Variants in ENOX2 observed in about 807,000 individuals in gnomAD.
The protein encoded by ENOX2 is APK1 antigen.
ENOX2 carries 36 observed loss-of-function variants against 45.0 expected under a neutral mutation model. The ratio of observed to expected loss-of-function variants is 0.80; its 90% CI spans 0.61 to 1.06. ENOX2 has a LOEUF of 1.06. Among genes scored for constraint, ENOX2 ranks in the 50% least tolerant of loss-of-function variants. The pLI, the probability that ENOX2 is intolerant of heterozygous loss-of-function variation, is 0.00. For missense variants in ENOX2, 423 were observed against 462.5 expected (o/e 0.91, Z 0.78); for synonymous variants, 174 against 152.3 (o/e 1.14, Z -1.05).
intron 3 of ENOX2, among the ~76,000 whole-genome samples, chrX:130,705,491 T>A (rs773907991): frequency 8.0e-5 from 9 of 112,017 alleles, no homozygotes; most frequent in Non-Finnish European, 1.5e-4. Context: ...GTAAGTAGAG[T>A]TCCTGGTATG....
At chrX:130,694,600 C>CTTTTTT (rs1176052103) in intron 4 of ENOX2, among the ~76,000 whole-genome samples, 67 of 86,131 alleles carry the variant, frequency 7.8e-4, no homozygotes, top group Non-Finnish European at 1.0e-3. Context: ...CTTTTCTTTT[C>CTTTTTT]TTTTTTTTTT....
intron 2 of ENOX2, among the ~76,000 whole-genome samples, chrX:130,833,605 A>T (rs1270335941): frequency 9.0e-6 from 1 of 111,324 alleles, no homozygotes; most frequent in Non-Finnish European, 1.9e-5. Flanking sequence ...GGGATGCCTG[A>T]CTTTAGCTTC....
chrX:130,850,717 C>T (rs1320984994), intron 2 of ENOX2, among the ~76,000 whole-genome samples: 1 of 112,309 alleles, frequency 8.9e-6, no homozygotes, highest in Admixed American at 9.4e-5. Context: ...TTTCAACGAA[C>T]ACGTTTTATA....
rs1385513149 is a variant in ENOX2 at position 130,703,110 on chromosome X, A to G, written c.97+10T>C. On this transcript the variant is annotated intron_variant, in intron 4 of 14. Transcript: ENST00000394363. ...AATAAGCACTTGCGAGGTGATTAAA[A>G]ATAACATACCAGGTAAAATTGGTTG... 2.5e-6 allele frequency: 3 copies of G among 1,205,365 alleles called. No homozygotes were observed. The South Asian group carries it at 5.4e-5, about 22-fold the overall frequency.
rs1355509907 is a variant in ENOX2 at position 130,835,207 on chromosome X, TG to T, written c.-182-51518del. Among the ~76,000 whole-genome samples, 6 of 110,526 alleles carry T rather than the reference TG, an allele frequency of 5.4e-5. No individual in the cohort carries two copies. The South Asian group carries it at 2.3e-3, about 43-fold the overall frequency. On this transcript the variant is annotated intron_variant, in intron 2 of 14. Transcript: ENST00000394363. The stretch of plus-strand genomic sequence containing the variant: ...TTCTCATCCTGGGGAGGGGAGGCGG[TG>T]GGGGGTGGAACTGAATGAGCTATAT...
chrX:130,744,376 G>A (rs995772524), intron 3 of ENOX2, among the ~76,000 whole-genome samples: 2 of 112,075 alleles, frequency 1.8e-5, no homozygotes, highest in East Asian at 2.8e-4. Context: ...TTGCTGCTAT[G>A]TGTCTCTGTT....
At chrX:130,719,731 T>C (rs60924977) in intron 3 of ENOX2, among the ~76,000 whole-genome samples, 3,769 of 111,229 alleles carry the variant, frequency 0.034, 174 homozygotes, top group African/African-American at 0.12. Context: ...GGGAAAGAAA[T>C]GCAATACAGT....
intron 3 of ENOX2, among the ~76,000 whole-genome samples, chrX:130,721,199 C>T: frequency 9.0e-6 from 1 of 111,719 alleles, no homozygotes. Flanking sequence ...TCTTGGTTGG[C>T]ATGTCCCTAT....
chrX:130,673,474 T>C lies in ENOX2; in HGVS notation c.461-3276A>G, dbSNP rs187525680. Reference sequence around the variant, plus strand: ...CAGGATATGAAAGAAGAGATAGAGATCTTGAAAAAAAAAAACAGAACTTAG... The same window carrying C: ...CAGGATATGAAAGAAGAGATAGAGACCTTGAAAAAAAAAAACAGAACTTAG... On this transcript the variant is annotated intron_variant, in intron 6 of 14. Coordinates refer to ENST00000394363, the MANE Select transcript of ENOX2 (RefSeq NM_006375.4). Among the ~76,000 whole-genome samples, 428 of 100,469 alleles carry C rather than the reference T, an allele frequency of 4.3e-3. 2 individuals are homozygous for C. The highest frequency in any genetic ancestry group is 7.1e-3 in the Non-Finnish European group (349 of 49,472). 87.2% of individuals were successfully genotyped at this position (100,469 alleles called of 115,157 possible). A position where few individuals can be genotyped will look rare whatever the true frequency, so the allele number is the denominator to read the frequency against.
Position 130,837,647 on chromosome X carries a change from C to T in ENOX2, c.-182-53957G>A, listed in dbSNP as rs377399961. Among the ~76,000 whole-genome samples the T allele has an allele frequency of 3.6e-5, 4 of 111,482 alleles. No individual in the cohort carries two copies. In the East Asian group the frequency reaches 1.1e-3, roughly 32 times the overall value. On this transcript the variant is annotated intron_variant, in intron 2 of 14. Coordinates refer to ENST00000394363, the MANE Select transcript of ENOX2 (RefSeq NM_006375.4). ...TATATGCTAGGCGAAAATCTGAATT[C>T]CTATGGCTACCTGGGTTCATATCCA... is the stretch of plus-strand genomic sequence containing the variant.
chrX:130,807,138 A>G lies in ENOX2; in HGVS notation c.-182-23448T>C, dbSNP rs183612079. On this transcript the variant is annotated intron_variant, in intron 2 of 14. Coordinates refer to ENST00000394363, the MANE Select transcript of ENOX2 (RefSeq NM_006375.4). ...CATTTACTTTCCAATAAGGAAGCAAAATGCCACTGTGAAAATAAATTTAGC... is the reference window on the plus strand; with the variant it reads ...CATTTACTTTCCAATAAGGAAGCAAGATGCCACTGTGAAAATAAATTTAGC... Among the ~76,000 whole-genome samples, 460 of 112,398 alleles carry G rather than the reference A, an allele frequency of 4.1e-3. 2 individuals carry two copies. Among genetic ancestry groups the G allele is most frequent in the African/African-American group, 0.014 (443 of 30,980 alleles).
At chrX:130,883,331 G>T (rs1047039668) in intron 2 of ENOX2, among the ~76,000 whole-genome samples, 1 of 111,015 alleles carries the variant, frequency 9.0e-6, no homozygotes, top group Non-Finnish European at 1.9e-5. Flanking sequence ...CGCTGGACTC[G>T]AACTCCTGAC....
intron 2 of ENOX2, among the ~76,000 whole-genome samples, chrX:130,828,511 C>A: frequency 8.9e-6 from 1 of 111,840 alleles, no homozygotes; most frequent in Non-Finnish European, 1.9e-5. Context: ...TAATACCATA[C>A]GGAAAGTAAC....
chrX:130,854,139 AT>A lies in ENOX2; in HGVS notation c.-183+47544del, dbSNP rs767182918. On this transcript the variant is annotated intron_variant, in intron 2 of 14. Coordinates refer to ENST00000394363, the MANE Select transcript of ENOX2 (RefSeq NM_006375.4). ...GTATTTTAGGCCAGCTGTTACAAAA[AT>A]GCTTTAATGAGCAACTATGAACATA... Among the ~76,000 whole-genome samples, 79 of 112,395 alleles carry A rather than the reference AT, an allele frequency of 7.0e-4. 1 individual carries two copies. The highest frequency in any genetic ancestry group is 1.9e-3 in the South Asian group (5 of 2,671).
rs1044569229 is a variant in ENOX2, at chrX:130,892,826, A to G, written c.-183+8858T>C. Among the ~76,000 whole-genome samples, 659 of 112,715 alleles carry G rather than the reference A, an allele frequency of 5.8e-3. 7 individuals are homozygous for G. Among genetic ancestry groups the G allele is most frequent in the African/African-American group, 0.02 (629 of 31,041 alleles). On this transcript the variant is annotated intron_variant, in intron 2 of 14. Transcript: ENST00000394363. ...GTTCATCTAGTTAATGATATGCATAAAAAAATTTTTTAAAACTGTACTAAT... is the reference window on the plus strand; with the variant it reads ...GTTCATCTAGTTAATGATATGCATAGAAAAATTTTTTAAAACTGTACTAAT...
At chrX:130,746,745 A>C (rs1404643486) in intron 3 of ENOX2, among the ~76,000 whole-genome samples, 1 of 111,839 alleles carries the variant, frequency 8.9e-6, no homozygotes, top group Non-Finnish European at 1.9e-5. Context: ...ACTAGGGTCT[A>C]ATCAAGGGAG....
At chrX:130,737,193 G>A (rs907889834) in intron 3 of ENOX2, among the ~76,000 whole-genome samples, 1 of 111,524 alleles carries the variant, frequency 9.0e-6, no homozygotes, top group Non-Finnish European at 1.9e-5. Context: ...ATACGTAGCT[G>A]AGGCAAAATA....
chrX:130,751,315 C>G (rs1446028847), intron 3 of ENOX2, among the ~76,000 whole-genome samples: 1 of 112,076 alleles, frequency 8.9e-6, no homozygotes. Context: ...CATTATGTGT[C>G]CAGCTTCTTT....
chrX:130,879,634 TAAG>T (rs1439237629), intron 2 of ENOX2, among the ~76,000 whole-genome samples: 1 of 112,176 alleles, frequency 8.9e-6, no homozygotes, highest in Non-Finnish European at 1.9e-5. Flanking sequence ...TAGTCTCGGC[TAAG>T]AAGAACAACT....
Sources: gnomAD v4.1 joint callset for allele counts (sites outside exome capture counted in the v4.1 genomes callset) on GRCh38, gnomAD v4.1.1 for gene constraint, MANE v1.5 for transcripts, NCBI Gene and HGNC (gene_info 2026-07-23, HGNC 2026-07-21) for gene names.